KIF19: variants seen among roughly 807,000 people sequenced by gnomAD.
KIF19 encodes kinesin-like protein KIF19.
Under a neutral mutation model 106.6 loss-of-function variants are expected in KIF19, and 98 were observed. The observed-to-expected ratio is 0.92, with a 90% CI of 0.78 to 1.09. The LOEUF is 1.09. KIF19 is among the 50% of genes least tolerant of loss of function. The probability of loss-of-function intolerance (pLI) is 0.00; values close to 1 mark genes in which losing one functional copy is unlikely to be tolerated. For synonymous variants in KIF19, 516 were observed against 584.2 expected (o/e 0.88, Z 1.68); for missense variants, 1,373 against 1,414.3 (o/e 0.97, Z 0.47).
intron 12 of KIF19, 51 bp from the exon 13 acceptor site, chr17:74,351,816 C>T (rs1196376316): frequency 5.1e-6 from 7 of 1,367,052 alleles, no homozygotes; most frequent in East Asian, 3.0e-5. Flanking sequence ...GCTGGGCAGG[C>T]GGATCGGACC....
chr17:74,350,435 G>T lies in KIF19; in HGVS notation c.1248G>T (p.Lys416Asn). The change falls in exon 11 of 20, where the codon AAG (lysine) becomes AAT (asparagine). Residue 416 changes from lysine (K) to asparagine (N), a missense_variant. By Grantham distance (94) the Lys-to-Asn change is moderately conservative (BLOSUM62 0). This residue lies in a region of KIF19 where 1,020 missense variants were observed against 1,008.2 expected (regional missense o/e 1.01). Transcript: ENST00000389916. ...AGCTGCACAGCGGGCAGGGTGAGAA[G>T]GCTGGCATGGGACAGCTTCGGGAGC... ...EVQLHSGQGE[K>N]AGMGQLREQL... The T allele has an allele frequency of 6.2e-7, 1 of 1,607,718 alleles. No individual in the cohort carries two copies. Among genetic ancestry groups the T allele is most frequent in the Non-Finnish European group, 8.5e-7 (1 of 1,178,010 alleles).
intron 2 of KIF19, among the ~76,000 whole-genome samples, chr17:74,333,853 CT>C (rs1002893695): frequency 2.8e-5 from 3 of 107,462 alleles, no homozygotes; most frequent in Non-Finnish European, 5.6e-5. Context: ...TTTTTTTTTT[CT>C]TTTTTTTTCT....
chr17:74,339,173 C>G (rs979286520), intron 2 of KIF19, among the ~76,000 whole-genome samples: 5 of 151,892 alleles, frequency 3.3e-5, no homozygotes, highest in Non-Finnish European at 7.4e-5. Flanking sequence ...AGGGCAGGAA[C>G]TCCCCTACCT....
intron 5 of KIF19, among the ~76,000 whole-genome samples, 192 bp downstream of exon 5, chr17:74,343,352 G>A (rs73995257): frequency 0.03 from 4,563 of 152,212 alleles, 238 homozygotes; most frequent in African/African-American, 0.1. Flanking sequence ...AGGGAGCGGG[G>A]ATTCAAACTC....
chr17:74,332,976 A>T (rs535343765), intron 2 of KIF19, among the ~76,000 whole-genome samples: 5 of 152,148 alleles, frequency 3.3e-5, no homozygotes, highest in Non-Finnish European at 7.4e-5. Context: ...ATTAAAGGAG[A>T]TAATGTAAGG....
chr17:74,332,787 G>A (rs9904286), intron 2 of KIF19, among the ~76,000 whole-genome samples: 52,734 of 152,074 alleles, frequency 0.35, 9,813 homozygotes, highest in Admixed American at 0.52. Context: ...CTGAGCTCCC[G>A]AGAACAGAGG....
chr17:74,329,821 A>G (rs2054024834), intron 2 of KIF19, among the ~76,000 whole-genome samples: 1 of 152,160 alleles, frequency 6.6e-6, no homozygotes, highest in Non-Finnish European at 1.5e-5. Flanking sequence ...TGGTGGTAGG[A>G]TGTGCTAATG....
intron 2 of KIF19, among the ~76,000 whole-genome samples, chr17:74,336,479 C>A (rs544154053): frequency 2.2e-4 from 33 of 152,186 alleles, no homozygotes; most frequent in Admixed American, 2.0e-3. Context: ...ATAAAGGGCT[C>A]CCCCTACTCC....
chr17:74,348,983 C>T (rs868319524), intron 9 of KIF19: 14 of 589,260 alleles, frequency 2.4e-5, no homozygotes, highest in Middle Eastern at 8.3e-4. Context: ...GGACGTTCCC[C>T]GCAGGCATTA....
rs768082792 is a variant in KIF19, at chr17:74,354,796, G to C, written c.2721G>C (p.Lys907Asn). The part of the protein sequence containing the change: ...EVTGQGLSHP[K>N]THLLGPHQAE... Reference sequence around the variant, plus strand: ...AACCATCACAGCTCTCCCACCCCAAGACACACCTCCTGGGGCCCCATCAGG... The same window carrying C: ...AACCATCACAGCTCTCCCACCCCAACACACACCTCCTGGGGCCCCATCAGG... Residue 907 changes from lysine (K) to asparagine (N), a missense_variant, in exon 19 of 20, where the codon AAG (lysine) becomes AAC (asparagine). By Grantham distance (94) the Lys-to-Asn change is moderately conservative (BLOSUM62 0). Around this residue, in one of 3 missense-constraint regions of KIF19, gnomAD observed 1,020 missense variants for 1,008.2 expected, o/e 1.01. Coordinates refer to ENST00000389916, the MANE Select transcript of KIF19 (RefSeq NM_153209.4). 1.9e-6 allele frequency: 3 copies of C among 1,558,238 alleles called. No homozygotes were observed. The South Asian group carries it at 3.6e-5, about 18-fold the overall frequency.
Position 74,326,250 on chromosome 17 carries a change from G to C in KIF19, c.-100G>C, listed in dbSNP as rs1247100035. 1 of 1,126,668 alleles carries C rather than the reference G, an allele frequency of 8.9e-7. No individual in the cohort carries two copies. The highest frequency in any genetic ancestry group is 1.2e-6 in the Non-Finnish European group (1 of 803,068). The allele number at this position is 1,126,668 out of a possible 1,614,324, so 69.8% of individuals were successfully genotyped here. On this transcript the variant is annotated 5_prime_UTR_variant, in exon 1 of 20. Coordinates refer to ENST00000389916, the MANE Select transcript of KIF19 (RefSeq NM_153209.4). ...CGGGTTGTCAGGCAGCGCGCGAGGC[G>C]GCGGGCAGCTAGCAGCTGGCGGACG...
At chr17:74,345,628 G>A (rs1335837846) in intron 7 of KIF19, among the ~76,000 whole-genome samples, 1 of 152,128 alleles carries the variant, frequency 6.6e-6, no homozygotes, top group Non-Finnish European at 1.5e-5. Flanking sequence ...ATGGTCACCT[G>A]AGCAATGAGG....
In KIF19 at chr17:74,344,863, C is replaced by T. The variant is rs759329655; in HGVS notation, c.685C>T (p.Arg229Cys). Reference sequence around the variant, plus strand: ...CCACGCGGTACTGCAGGTGACCGTGCGCCAGCGCAGCCGGGTCAAGAACAT... The same window carrying T: ...CCACGCGGTACTGCAGGTGACCGTGTGCCAGCGCAGCCGGGTCAAGAACAT... ...RSHAVLQVTV[R>C]QRSRVKNILQ... Residue 229 changes from arginine to cysteine, a missense_variant, in exon 7 of 20, where the codon CGC (arginine) becomes TGC (cysteine). Physicochemically the swap from Arg to Cys is radical, Grantham distance 180 (BLOSUM62 -3). Transcript: ENST00000389916. 34 of 1,612,650 alleles carry T rather than the reference C, an allele frequency of 2.1e-5. No individual in the cohort carries two copies. Among genetic ancestry groups the T allele is most frequent in the South Asian group, 8.8e-5 (8 of 91,084 alleles).
intron 2 of KIF19, among the ~76,000 whole-genome samples, chr17:74,336,515 G>A (rs2054223424): frequency 1.3e-5 from 2 of 152,098 alleles, no homozygotes; most frequent in South Asian, 2.1e-4. Context: ...TTCCTCAACT[G>A]ATTACACCTG....
At chr17:74,333,863 C>CTTTTTTTTTTTTTTTTTTTTTT (rs368776098) in intron 2 of KIF19, among the ~76,000 whole-genome samples, 1 of 132,622 alleles carries the variant, frequency 7.5e-6, no homozygotes, top group Non-Finnish European at 1.6e-5. Context: ...CTTTTTTTTT[C>CTTTTTTTTTTTTTTTTTTTTTT]TTTTTTTTTT....
In KIF19 at chr17:74,341,928, A is replaced by G. The variant is rs755760242; in HGVS notation, c.173A>G (p.His58Arg). Residue 58 changes from histidine (H) to arginine (R), a missense_variant, in exon 3 of 20, where the codon CAT becomes CGT. His to Arg is a conservative substitution (Grantham distance 29). This residue lies in a region of KIF19 where 348 missense variants were observed against 389.5 expected (regional missense o/e 0.89). Transcript: ENST00000389916. ...MEDPDDILRA[H>R]RSREKSYLFD... ...GATCCCGACGACATCCTGCGGGCGC[A>G]TCGCTCCCGGGAGAAGTCCTACCTG... 131 of 1,613,544 alleles carry G rather than the reference A, an allele frequency of 8.1e-5. No individual in the cohort carries two copies. Among genetic ancestry groups the G allele is most frequent in the Non-Finnish European group, 1.0e-4 (120 of 1,179,816 alleles).
chr17:74,331,626 G>A lies in KIF19; in HGVS notation c.120+3121G>A, dbSNP rs1277941388. Among the ~76,000 whole-genome samples, 2 of 151,854 alleles carry A rather than the reference G, an allele frequency of 1.3e-5. No individual in the cohort carries two copies. The highest frequency in any genetic ancestry group is 4.8e-5 in the African/African-American group (2 of 41,308). On this transcript the variant is annotated intron_variant, in intron 2 of 19. Transcript: ENST00000389916. This position sits in a 1 kb window ranked among gnomAD's most constrained non-coding sequence, Gnocchi z 4.1. ...GAGTCTTGCTCTGTCACCTAGGCTG[G>A]AGTACAGTGGTGCAATCTTGGCTCA... is the stretch of plus-strand genomic sequence containing the variant.
Position 74,354,301 on chromosome 17 carries a change from C to T in KIF19, c.2448C>T (p.Ser816=), listed in dbSNP as rs369720899. 1.7e-5 allele frequency: 27 copies of T among 1,608,146 alleles called. No homozygotes were observed. Among genetic ancestry groups the T allele is most frequent in the Admixed American group, 6.7e-5 (4 of 59,722 alleles). The change falls in exon 18 of 20, where the codon AGC becomes AGT. Residue 816 remains serine, a synonymous_variant. Transcript: ENST00000389916. The part of the protein sequence containing the change: ...ERSSLSLHSL[S]EGDDARPPGP... ...GCAGCCTGTCCCTGCACTCACTGAG[C>T]GAGGGCGACGATGCGCGGCCACCAG...
In KIF19 at chr17:74,355,528, C is replaced by A; in HGVS notation, c.*216C>A. On this transcript the variant is annotated 3_prime_UTR_variant, in exon 20 of 20. Transcript: ENST00000389916. ...AAGAGGTGAGGCCAGGGGACATGGC[C>A]AGGACGGCTGGGCTCCCTGGCTTCC... The A allele has an allele frequency of 1.7e-6, 1 of 579,306 alleles. No individual in the cohort carries two copies. Among genetic ancestry groups the A allele is most frequent in the Non-Finnish European group, 2.8e-6 (1 of 357,790 alleles). 35.9% of individuals were successfully genotyped at this position (579,306 alleles called of 1,614,324 possible).
Sources: allele counts gnomAD v4.1 joint callset (sites outside exome capture counted in the v4.1 genomes callset), GRCh38; gene constraint gnomAD v4.1.1; regional missense constraint gnomAD v4.1.1; non-coding constraint Gnocchi (gnomAD v3.1); transcripts MANE v1.5; gene names NCBI Gene and HGNC (gene_info 2026-07-23, HGNC 2026-07-21).